The following GABRB3 variants were observed in gnomAD, a reference collection of about 807,000 sequenced individuals.
GABRB3 encodes gamma-aminobutyric acid type A receptor subunit beta3, also known as gamma-aminobutyric acid receptor subunit beta-3.
Under a neutral mutation model 52.1 loss-of-function variants are expected in GABRB3, and 14 were observed. The observed-to-expected ratio is 0.27, with a 90% CI of 0.18 to 0.42. GABRB3 has a LOEUF of 0.42. Among genes scored for constraint, GABRB3 ranks in the 10% least tolerant of loss-of-function variants. The pLI, the probability that GABRB3 is intolerant of heterozygous loss-of-function variation, is 1.00. For synonymous variants in GABRB3, 260 were observed against 232.3 expected (o/e 1.12, Z -1.08); for missense variants, 307 against 609.1 (o/e 0.50, Z 5.22).
In GABRB3 at chr15:26,580,387, C is replaced by T; in HGVS notation, c.614G>A (p.Arg205Lys). 1 of 1,614,184 alleles carries T rather than the reference C, an allele frequency of 6.2e-7. No homozygotes were observed. The highest frequency in any genetic ancestry group is 1.6e-4 in the Middle Eastern group (1 of 6,062). Residue 205 changes from arginine (R) to lysine (K), a missense_variant, in exon 6 of 9, where the codon AGG becomes AAG. Coordinates refer to ENST00000311550, the MANE Select transcript of GABRB3 (RefSeq NM_000814.6). ...GGDKAVTGVE[R>K]IELPQFSIVE... is the part of the protein sequence containing the mutation. ...GATGGAGAACTGCGGGAGCTCAATC[C>T]TTTCCACTCCGGTAACAGCCTTGTC...
At chr15:26,656,401 T>C (rs1432555064) in intron 3 of GABRB3, among the ~76,000 whole-genome samples, 4 of 152,208 alleles carry the variant, frequency 2.6e-5, no homozygotes, top group Admixed American at 6.5e-5. Context: ...CTGAGGGGCA[T>C]GATTTGTTTG....
intron 3 of GABRB3, among the ~76,000 whole-genome samples, chr15:26,763,564 G>A (rs185332686): frequency 2.0e-5 from 3 of 146,872 alleles, no homozygotes; most frequent in Non-Finnish European, 3.0e-5. Flanking sequence ...TAAATTATCC[G>A]AATTGGTTTT....
chr15:26,773,133 G>C, upstream of GABRB3: 3 of 510,578 alleles, frequency 5.9e-6, no homozygotes, highest in Non-Finnish European at 7.8e-6. Flanking sequence ...GGAGAGGAAG[G>C]AGGAGCGGGG....
intron 3 of GABRB3, among the ~76,000 whole-genome samples, chr15:26,669,811 G>A (rs1372301939): frequency 6.6e-6 from 1 of 152,096 alleles, no homozygotes; most frequent in Non-Finnish European, 1.5e-5. Context: ...CCCTGTAAGA[G>A]CTCTGAGTTG....
intron 3 of GABRB3, among the ~76,000 whole-genome samples, chr15:26,766,252 C>T (rs1890993863): frequency 6.6e-6 from 1 of 152,008 alleles, no homozygotes; most frequent in Non-Finnish European, 1.5e-5. Context: ...AGACACAGAC[C>T]CCTATGAGAA....
intron 3 of GABRB3, among the ~76,000 whole-genome samples, chr15:26,739,118 C>T (rs1890138050): frequency 6.6e-6 from 1 of 152,088 alleles, no homozygotes. Flanking sequence ...GGTGCTGATG[C>T]TCCATGGAGT....
intron 4 of GABRB3, among the ~76,000 whole-genome samples, chr15:26,597,624 GAAGGATACATT>G (rs1271659399): frequency 2.6e-5 from 4 of 152,178 alleles, no homozygotes; most frequent in Non-Finnish European, 5.9e-5. Context: ...AGATGACCAT[GAAGGATACATT>G]CTTAGAGCTA....
At chr15:26,688,136 G>C (rs1888464518) in intron 3 of GABRB3, among the ~76,000 whole-genome samples, 1 of 152,180 alleles carries the variant, frequency 6.6e-6, no homozygotes, top group Non-Finnish European at 1.5e-5. Flanking sequence ...TTACCATAAA[G>C]ATGGCATAGT....
chr15:26,718,959 A>T (rs2140139533), intron 3 of GABRB3, among the ~76,000 whole-genome samples: 1 of 152,252 alleles, frequency 6.6e-6, no homozygotes, highest in East Asian at 1.9e-4. Flanking sequence ...TGTCCTGGAC[A>T]AGCTCTTCCT....
At chr15:26,743,396 G>A (rs1278534699) in intron 3 of GABRB3, among the ~76,000 whole-genome samples, 2 of 152,166 alleles carry the variant, frequency 1.3e-5, no homozygotes, top group Non-Finnish European at 2.9e-5. Context: ...ATGCCTTGGA[G>A]CAATTTACTT....
At chr15:26,722,552 T>C (rs1376319027) in intron 3 of GABRB3, among the ~76,000 whole-genome samples, 1 of 152,238 alleles carries the variant, frequency 6.6e-6, no homozygotes, top group Non-Finnish European at 1.5e-5. Context: ...AGGCAATTTA[T>C]TCACTGAACT....
intron 3 of GABRB3, among the ~76,000 whole-genome samples, chr15:26,707,745 G>A (rs1031598790): frequency 6.6e-6 from 1 of 152,146 alleles, no homozygotes; most frequent in Non-Finnish European, 1.5e-5. Flanking sequence ...CTTAGGCTTG[G>A]CAAGTAGGTG....
At chr15:26,756,995 CA>C (rs962775718) in intron 3 of GABRB3, among the ~76,000 whole-genome samples, 6 of 152,180 alleles carry the variant, frequency 3.9e-5, no homozygotes, top group African/African-American at 1.4e-4. Flanking sequence ...TCAAAACCCC[CA>C]GTGGTTTCAC....
intron 6 of GABRB3, among the ~76,000 whole-genome samples, chr15:26,576,535 A>G (rs1235205708): frequency 6.6e-6 from 1 of 152,234 alleles, no homozygotes; most frequent in East Asian, 1.9e-4. Flanking sequence ...CCGACTGGAA[A>G]AAATGGACAG....
chr15:26,606,317 A>G (rs1050433296), intron 4 of GABRB3, among the ~76,000 whole-genome samples: 20 of 152,286 alleles, frequency 1.3e-4, no homozygotes, highest in African/African-American at 4.8e-4. Context: ...TTTGTAACAC[A>G]AAGAGTAAAT....
intron 3 of GABRB3, among the ~76,000 whole-genome samples, chr15:26,770,539 A>C (rs1163601568): frequency 6.6e-6 from 1 of 152,242 alleles, no homozygotes; most frequent in Non-Finnish European, 1.5e-5. Flanking sequence ...ATGCCAGAAC[A>C]ACTGGAAAAC....
intron 3 of GABRB3, among the ~76,000 whole-genome samples, chr15:26,759,409 C>A (rs1441985951): frequency 6.6e-6 from 1 of 152,100 alleles, no homozygotes; most frequent in Non-Finnish European, 1.5e-5. Context: ...TACAGGCACA[C>A]GCCACCATGC....
At chr15:26,686,770 CA>C (rs1456448651) in intron 3 of GABRB3, among the ~76,000 whole-genome samples, 1 of 152,256 alleles carries the variant, frequency 6.6e-6, no homozygotes, top group African/African-American at 2.4e-5. Flanking sequence ...GGCCACAGGG[CA>C]CCCGGCGTGG....
intron 3 of GABRB3, among the ~76,000 whole-genome samples, chr15:26,714,088 C>T (rs1889391504): frequency 6.6e-6 from 1 of 152,218 alleles, no homozygotes; most frequent in African/African-American, 2.4e-5. Context: ...CATTCAAACA[C>T]ACAGAAAACA....
Sources: gnomAD v4.1 joint callset for allele counts (sites outside exome capture counted in the v4.1 genomes callset) on GRCh38, gnomAD v4.1.1 for gene constraint, MANE v1.5 for transcripts, NCBI Gene and HGNC (gene_info 2026-07-23, HGNC 2026-07-21) for gene names.